YTHDC1: variants seen among roughly 807,000 people sequenced by gnomAD.
YTHDC1 encodes YTH domain-containing protein 1.
Under a neutral mutation model 107.0 loss-of-function variants are expected in YTHDC1, and 12 were observed. That is an observed-to-expected ratio of 0.11 (90% CI 0.07 to 0.18). YTHDC1 has a LOEUF of 0.18. Among genes scored for constraint, YTHDC1 ranks in the 10% least tolerant of loss-of-function variants. The pLI is 1.00. For synonymous variants in YTHDC1, 280 were observed against 289.5 expected (o/e 0.97, Z 0.33); for missense variants, 635 against 898.8 (o/e 0.71, Z 3.75).
At chr4:68,338,184 A>G (rs1724440605) in intron 2 of YTHDC1, 99 bp downstream of exon 2, 1 of 1,338,634 alleles carries the variant, frequency 7.5e-7, no homozygotes, top group Admixed American at 2.7e-5. Flanking sequence ...TAACTGCCTC[A>G]AGGAACAAGC....
intron 1 of YTHDC1, among the ~76,000 whole-genome samples, chr4:68,339,338 A>G (rs1468855208): frequency 1.3e-5 from 2 of 152,238 alleles, no homozygotes; most frequent in Non-Finnish European, 2.9e-5. Flanking sequence ...GTCATGAAAC[A>G]AAGAGTAAGA....
intron 9 of YTHDC1, among the ~76,000 whole-genome samples, chr4:68,329,659 C>T (rs1438865401): frequency 6.6e-6 from 1 of 152,126 alleles, no homozygotes; most frequent in Non-Finnish European, 1.5e-5. Flanking sequence ...ATACTGTCCA[C>T]GACTAAACTA....
At position 68,313,141 on chromosome 4, in the gene YTHDC1, A is replaced by C. The variant is rs1282934006; in HGVS notation, c.*958T>G. The C allele has an allele frequency of 6.6e-6, 1 of 152,212 alleles. No individual in the cohort carries two copies. Among genetic ancestry groups the C allele is most frequent in the Non-Finnish European group, 1.5e-5 (1 of 68,024 alleles). The allele number at this position is 152,212 out of a possible 1,614,324, so 9.4% of individuals were successfully genotyped here. A position where few individuals can be genotyped will look rare whatever the true frequency, so the allele number is the denominator to read the frequency against. ...TTATTAACATAACTCTGTGTATCTT[A>C]TGTTAGAAATAGAAGTAAGCTTTTA... On this transcript the variant is annotated 3_prime_UTR_variant, in exon 17 of 17. Transcript: ENST00000344157.
chr4:68,348,755 C>A (rs144287096), intron 1 of YTHDC1, among the ~76,000 whole-genome samples: 6 of 152,152 alleles, frequency 3.9e-5, no homozygotes, highest in South Asian at 2.1e-4. Flanking sequence ...GACAAAAAAA[C>A]CCCAAATCAA....
intron 11 of YTHDC1, among the ~76,000 whole-genome samples, chr4:68,321,893 T>C (rs1408798580): frequency 6.6e-6 from 1 of 152,190 alleles, no homozygotes; most frequent in Non-Finnish European, 1.5e-5. Context: ...AATCAGTCCT[T>C]TGCAAAGACT....
intron 1 of YTHDC1, among the ~76,000 whole-genome samples, chr4:68,339,343 G>C (rs1197715956): frequency 2.0e-5 from 3 of 152,294 alleles, no homozygotes; most frequent in Admixed American, 2.0e-4. Flanking sequence ...GAAACAAAGA[G>C]TAAGAACTAT....
intron 9 of YTHDC1, among the ~76,000 whole-genome samples, chr4:68,329,164 T>C (rs1391362794): frequency 6.6e-6 from 1 of 152,038 alleles, no homozygotes; most frequent in Non-Finnish European, 1.5e-5. Flanking sequence ...CCTCTGTTCT[T>C]CTCTTTTCCT....
At chr4:68,320,734 G>A (rs1368248866) in intron 11 of YTHDC1, among the ~76,000 whole-genome samples, 2 of 152,004 alleles carry the variant, frequency 1.3e-5, no homozygotes, top group Non-Finnish European at 2.9e-5. Context: ...AATTTTACAT[G>A]ATCATACAGA....
intron 1 of YTHDC1, among the ~76,000 whole-genome samples, chr4:68,341,784 T>C (rs1332137379): frequency 6.6e-6 from 1 of 152,176 alleles, no homozygotes; most frequent in Non-Finnish European, 1.5e-5. Context: ...GTTAAGGAAA[T>C]GCAGGTTATA....
At chr4:68,340,848 T>C (rs1298913748) in intron 1 of YTHDC1, among the ~76,000 whole-genome samples, 1 of 152,078 alleles carries the variant, frequency 6.6e-6, no homozygotes, top group Non-Finnish European at 1.5e-5. Context: ...CAGAATGAAA[T>C]AATTTTGCAG....
At chr4:68,327,349 T>G (rs1723107003) in intron 9 of YTHDC1, among the ~76,000 whole-genome samples, 1 of 152,152 alleles carries the variant, frequency 6.6e-6, no homozygotes, top group African/African-American at 2.4e-5. Context: ...TCTGGATGAA[T>G]AGTATTTCAT....
At chr4:68,332,570 C>T (rs1007964275) in intron 6 of YTHDC1, among the ~76,000 whole-genome samples, 1 of 151,670 alleles carries the variant, frequency 6.6e-6, no homozygotes. Flanking sequence ...ACACACCCAT[C>T]CCATTTTGTC....
At position 68,314,153 on chromosome 4, in the gene YTHDC1, CTCTCTT is replaced by C. The variant is rs749219250; in HGVS notation, c.2124_2129del (p.Glu710_Arg711del). ...GGTCTCTGTCTCGATCACATAATCG[CTCTCTT>C]TCTCTTTCTCTATCACGTCCTCTAT... On this transcript the variant is annotated inframe_deletion, in exon 17 of 17. Transcript: ENST00000344157. 20 of 1,613,712 alleles carry C rather than the reference CTCTCTT, an allele frequency of 1.2e-5. No individual in the cohort carries two copies. Among genetic ancestry groups the C allele is most frequent in the East Asian group, 2.2e-5 (1 of 44,856 alleles).
intron 1 of YTHDC1, among the ~76,000 whole-genome samples, chr4:68,348,560 A>C (rs1725705487): frequency 1.3e-5 from 2 of 152,042 alleles, no homozygotes; most frequent in South Asian, 4.2e-4. Context: ...CTAATCAAAG[A>C]ACTACTTTAG....
At position 68,311,469 on chromosome 4, in the gene YTHDC1, T is replaced by C. The variant is rs1038586954; in HGVS notation, c.*2630A>G. 1.3e-5 allele frequency: 2 copies of C among 152,188 alleles called. No individual in the cohort carries two copies. The highest frequency in any genetic ancestry group is 2.4e-5 in the African/African-American group (1 of 41,448). 9.4% of individuals were successfully genotyped at this position (152,188 alleles called of 1,614,324 possible). ...TTTTCATCTGAACACATCATACTAA[T>C]GTAGATTGTTAGAATCACAGCACAG... On this transcript the variant is annotated 3_prime_UTR_variant, in exon 17 of 17. Transcript: ENST00000344157.
chr4:68,344,768 G>A (rs368705415), intron 1 of YTHDC1, among the ~76,000 whole-genome samples: 3 of 152,218 alleles, frequency 2.0e-5, no homozygotes, highest in South Asian at 4.1e-4. Context: ...GGGCATGGTG[G>A]TTCACACTTG....
intron 7 of YTHDC1, among the ~76,000 whole-genome samples, chr4:68,331,824 A>G (rs1166601410): frequency 1.3e-5 from 2 of 152,088 alleles, no homozygotes; most frequent in East Asian, 1.9e-4. Context: ...CAGAAACAAA[A>G]ATCAACAGAA....
At chr4:68,332,883 C>T (rs767703614) in intron 5 of YTHDC1, 36 bp from the exon 6 acceptor site, 3 of 1,580,464 alleles carry the variant, frequency 1.9e-6, no homozygotes, top group South Asian at 2.2e-5. Flanking sequence ...TCAGATTGAG[C>T]TTTAATAGAG....
rs1211694675 is a variant in YTHDC1, at chr4:68,314,140, G to T, written c.2143C>A (p.Arg715=). The T allele has an allele frequency of 6.2e-7, 1 of 1,613,464 alleles. No individual in the cohort carries two copies. The highest frequency in any genetic ancestry group is 1.3e-5 in the African/African-American group (1 of 74,792). Residue 715 remains arginine, a synonymous_variant, in exon 17 of 17, where the codon CGA becomes AGA. Transcript: ENST00000344157. The stretch of plus-strand genomic sequence containing the variant: ...CCTCTCTCCCCTCGGTCTCTGTCTC[G>T]ATCACATAATCGCTCTCTTTCTCTT... ...RERERERLCD[R]DRDRGERGRY... is the part of the protein sequence containing the mutation.
Sources: gnomAD v4.1 joint callset for allele counts (sites outside exome capture counted in the v4.1 genomes callset) on GRCh38, gnomAD v4.1.1 for gene constraint, MANE v1.5 for transcripts, NCBI Gene and HGNC (gene_info 2026-07-23, HGNC 2026-07-21) for gene names.